Variants in TNRC18 observed in about 807,000 individuals in gnomAD.
TNRC18 encodes trinucleotide repeat-containing gene 18 protein.
A neutral mutation model predicts 226.7 loss-of-function variants in TNRC18; 69 were observed. That is an observed-to-expected ratio of 0.30 (90% CI 0.25 to 0.37). The LOEUF is 0.37. TNRC18 is among the 10% of genes least tolerant of loss of function. TNRC18 has a pLI of 1.00. For missense variants in TNRC18, 4,754 were observed against 4,256.6 expected (o/e 1.12, Z -3.25); for synonymous variants, 2,449 against 1,927.6 (o/e 1.27, Z -7.09).
chr7:5,401,953 C>T (rs993895298), intron 2 of TNRC18, among the ~76,000 whole-genome samples: 1 of 149,818 alleles, frequency 6.7e-6, no homozygotes, highest in Non-Finnish European at 1.5e-5. Flanking sequence ...AGGCGGGCAG[C>T]TCACAAGGTC....
intron 2 of TNRC18, among the ~76,000 whole-genome samples, chr7:5,419,570 C>T (rs978175191): frequency 6.6e-6 from 1 of 152,238 alleles, no homozygotes; most frequent in Non-Finnish European, 1.5e-5. Context: ...TCGGGGGTCC[C>T]CCGCGCCCCT....
intron 19 of TNRC18, chr7:5,329,843 G>A (rs985585646): frequency 1.5e-5 from 7 of 461,974 alleles, no homozygotes; most frequent in African/African-American, 6.1e-5. Flanking sequence ...TTTCCCAAGA[G>A]TTCCTTCTGT....
Position 5,376,889 on chromosome 7 carries a change from C to T in TNRC18, c.2566G>A (p.Gly856Ser). Residue 856 changes from glycine to serine, a missense_variant, in exon 8 of 30, where the codon GGC (glycine) becomes AGC (serine). Transcript: ENST00000430969. ...AYQFVRDPQS[G>S]QLVVIPSDHL... The stretch of plus-strand genomic sequence containing the variant: ...TCACTGGGAATGACCACCAGCTGGC[C>T]CGATTGGGGGTCCCTGACAAACTGG... 2 of 1,611,094 alleles carry T rather than the reference C, an allele frequency of 1.2e-6. No individual in the cohort carries two copies. Among genetic ancestry groups the T allele is most frequent in the Non-Finnish European group, 1.7e-6 (2 of 1,178,676 alleles).
At chr7:5,406,531 A>T (rs570727636) in intron 2 of TNRC18, among the ~76,000 whole-genome samples, 1 of 151,564 alleles carries the variant, frequency 6.6e-6, no homozygotes, top group South Asian at 2.1e-4. Flanking sequence ...AGGTACCTAC[A>T]GTACTCACAT....
At chr7:5,352,631 C>A (rs560022844) in intron 16 of TNRC18, among the ~76,000 whole-genome samples, 4 of 152,272 alleles carry the variant, frequency 2.6e-5, no homozygotes, top group Admixed American at 2.6e-4. Context: ...AACGCTGTTA[C>A]CGCTAGCAGA....
intron 2 of TNRC18, among the ~76,000 whole-genome samples, chr7:5,395,214 C>G (rs1239447029): frequency 6.6e-6 from 1 of 152,218 alleles, no homozygotes; most frequent in Non-Finnish European, 1.5e-5. Context: ...GGGTGTCCCC[C>G]AGCCCATGGC....
chr7:5,387,060 G>C (rs980889546), intron 5 of TNRC18, among the ~76,000 whole-genome samples: 1 of 152,154 alleles, frequency 6.6e-6, no homozygotes, highest in East Asian at 1.9e-4. Flanking sequence ...GGCAACAAGA[G>C]TGAAACTCCG....
In TNRC18 at chr7:5,374,198, GAGC is replaced by G; in HGVS notation, c.3083_3085del (p.Ser1028_Ser1029delinsThr). 4 of 899,912 alleles carry G rather than the reference GAGC, an allele frequency of 4.4e-6. No homozygotes were observed. Among genetic ancestry groups the G allele is most frequent in the East Asian group, 7.1e-5 (1 of 14,092 alleles). The allele number at this position is 899,912 out of a possible 1,614,324, so 55.7% of individuals were successfully genotyped here. A position where few individuals can be genotyped will look rare whatever the true frequency, so the allele number is the denominator to read the frequency against. ...GGCGGGCGGCGGGCTGGTGGGGTGGGAGCTGGGGGTGGCGGGGTAGGCGTAGGC... is the reference window on the plus strand; with the variant it reads ...GGCGGGCGGCGGGCTGGTGGGGTGGGTGGGGGTGGCGGGGTAGGCGTAGGC... On this transcript the variant is annotated inframe_deletion, in exon 10 of 30. Coordinates refer to ENST00000430969, the MANE Select transcript of TNRC18 (RefSeq NM_001080495.3).
intron 2 of TNRC18, among the ~76,000 whole-genome samples, chr7:5,396,742 G>C (rs1780716537): frequency 6.6e-6 from 1 of 152,102 alleles, no homozygotes; most frequent in Non-Finnish European, 1.5e-5. Flanking sequence ...TGTGTTGTGA[G>C]CACTGTTTAC....
intron 3 of TNRC18, among the ~76,000 whole-genome samples, chr7:5,393,189 C>T (rs1029146130): frequency 1.3e-5 from 2 of 152,112 alleles, no homozygotes; most frequent in Admixed American, 6.6e-5. Flanking sequence ...CAGACAGTCC[C>T]GAGAGGCAGG....
At position 5,312,425 on chromosome 7, in the gene TNRC18, C is replaced by T. The variant is rs1292165031; in HGVS notation, c.8388+78G>A. On this transcript the variant is annotated intron_variant, in intron 27 of 29. Transcript: ENST00000430969. The surrounding 1 kb of genome is among the most constrained non-coding windows in gnomAD (Gnocchi z 6.3). ...TGGGAGGTTACCACACACGGAGACA[C>T]AGCATGAAGCCGTGGGCCCAGCAGA... 6.5e-7 allele frequency: 1 copy of T among 1,534,582 alleles called. No individual in the cohort carries two copies. The highest frequency in any genetic ancestry group is 2.1e-5 in the Admixed American group (1 of 48,192).
intron 9 of TNRC18, 73 bp from the exon 10 acceptor site, chr7:5,374,557 C>T (rs916817215): frequency 6.9e-6 from 10 of 1,446,260 alleles, no homozygotes; most frequent in African/African-American, 4.4e-5. Flanking sequence ...CCTGCCCTGT[C>T]CCCCCAAGGG....
rs1027154254 is a variant in TNRC18 at position 5,312,265 on chromosome 7, G to A, written c.8388+238C>T. 7.9e-5 allele frequency among the ~76,000 whole-genome samples: 12 copies of A among 152,298 alleles called. No individual in the cohort carries two copies. Among genetic ancestry groups the A allele is most frequent in the South Asian group, 6.2e-4 (3 of 4,820 alleles). On this transcript the variant is annotated intron_variant, in intron 27 of 29. Coordinates refer to ENST00000430969, the MANE Select transcript of TNRC18 (RefSeq NM_001080495.3). The surrounding 1 kb of genome is among the most constrained non-coding windows in gnomAD (Gnocchi z 6.3). Reference sequence around the variant, plus strand: ...CTCCACGAGGGTGGCTCTGCGTCCCGGGACCAGAGGGCAGGACCACTCTGC... The same window carrying A: ...CTCCACGAGGGTGGCTCTGCGTCCCAGGACCAGAGGGCAGGACCACTCTGC...
At position 5,349,176 on chromosome 7, in the gene TNRC18, G is replaced by A. The variant is rs543137843; in HGVS notation, c.5470+2643C>T. Among the ~76,000 whole-genome samples the A allele has an allele frequency of 4.1e-4, 62 of 152,300 alleles. 1 individual carries two copies. Among genetic ancestry groups the A allele is most frequent in the African/African-American group, 1.4e-3 (60 of 41,580 alleles). On this transcript the variant is annotated intron_variant, in intron 17 of 29. Coordinates refer to ENST00000430969, the MANE Select transcript of TNRC18 (RefSeq NM_001080495.3). ...GAGAGCAGCCCAATGCCCGCACCTC[G>A]GCATGGGAGACCCTCCCGCCTCCCT...
chr7:5,411,661 A>G (rs573055897), intron 2 of TNRC18, among the ~76,000 whole-genome samples: 2 of 152,278 alleles, frequency 1.3e-5, no homozygotes, highest in African/African-American at 2.4e-5. Flanking sequence ...AAGCCACCGC[A>G]GGATGTGCTC....
rs1408623849 is a variant in TNRC18 at position 5,324,033 on chromosome 7, T to G, written c.6442+181A>C. On this transcript the variant is annotated intron_variant, in intron 21 of 29. Coordinates refer to ENST00000430969, the MANE Select transcript of TNRC18 (RefSeq NM_001080495.3). This position sits in a 1 kb window ranked among gnomAD's most constrained non-coding sequence, Gnocchi z 4.8. ...CTCTCTTGCCTCATCTGCAGTTGAC[T>G]AAGCTGCAGCCAGTCCAGCCTTCTC... is the stretch of plus-strand genomic sequence containing the variant. 6.6e-6 allele frequency among the ~76,000 whole-genome samples: 1 copy of G among 152,208 alleles called. No individual in the cohort carries two copies. The highest frequency in any genetic ancestry group is 6.5e-5 in the Admixed American group (1 of 15,278).
intron 16 of TNRC18, among the ~76,000 whole-genome samples, 194 bp from the exon 17 acceptor site, chr7:5,352,288 C>T (rs921538146): frequency 6.6e-6 from 1 of 152,200 alleles, no homozygotes; most frequent in African/African-American, 2.4e-5. Context: ...TCTCCCTTGC[C>T]CTGGGTGCCT....
In TNRC18 at chr7:5,306,877, T is replaced by TTAA. The variant is rs532837770; in HGVS notation, c.*1228_*1229insTTA. ...AACAAACAAAATTCCAAAAGAAACA[T>TTAA]AAAAAAAAAAACCAATAATTCCCCC... On this transcript the variant is annotated 3_prime_UTR_variant, in exon 30 of 30. Transcript: ENST00000430969. The TTAA allele has an allele frequency of 6.8e-6, 1 of 146,974 alleles. No individual in the cohort carries two copies. The highest frequency in any genetic ancestry group is 2.5e-5 in the African/African-American group (1 of 40,054). 9.1% of individuals were successfully genotyped at this position (146,974 alleles called of 1,614,324 possible). A position where few individuals can be genotyped will look rare whatever the true frequency, so the allele number is the denominator to read the frequency against.
intron 24 of TNRC18, among the ~76,000 whole-genome samples, chr7:5,319,115 A>C (rs1788104699): frequency 6.6e-6 from 1 of 152,230 alleles, no homozygotes; most frequent in Non-Finnish European, 1.5e-5. Context: ...GTGCTAGGAA[A>C]TCCGAATCTA....
Sources: allele counts gnomAD v4.1 joint callset (sites outside exome capture counted in the v4.1 genomes callset), GRCh38; gene constraint gnomAD v4.1.1; non-coding constraint Gnocchi (gnomAD v3.1); transcripts MANE v1.5; gene names NCBI Gene and HGNC (gene_info 2026-07-23, HGNC 2026-07-21).